The following BPIFB2 variants were observed in gnomAD, a reference collection of about 807,000 sequenced individuals.
The protein encoded by BPIFB2 is BPI fold containing family B member 2, also known as BPI fold-containing family B member 2.
In BPIFB2, 39 loss-of-function variants were observed where a neutral mutation model predicts 50.1. The ratio of observed to expected loss-of-function variants is 0.78; its 90% CI spans 0.60 to 1.02. BPIFB2 has a LOEUF of 1.02. BPIFB2 is among the 50% of genes least tolerant of loss of function. The probability of loss-of-function intolerance (pLI) is 0.00; values close to 1 mark genes in which losing one functional copy is unlikely to be tolerated. For missense variants in BPIFB2, 574 were observed against 585.8 expected (o/e 0.98, Z 0.21); for synonymous variants, 280 against 256.3 (o/e 1.09, Z -0.88).
At chr20:33,014,355 C>G (rs1031226594) in intron 5 of BPIFB2, among the ~76,000 whole-genome samples, 1 of 152,188 alleles carries the variant, frequency 6.6e-6, no homozygotes, top group Non-Finnish European at 1.5e-5. Context: ...CAGGCCAGGC[C>G]GCTCCCTTCT....
intron 6 of BPIFB2, among the ~76,000 whole-genome samples, chr20:33,016,728 A>C (rs1978443833): frequency 6.6e-6 from 1 of 152,230 alleles, no homozygotes; most frequent in South Asian, 2.1e-4. Context: ...GCCCCGTTGC[A>C]GCAGATTCCC....
At chr20:33,021,640 G>A (rs1446011692) in intron 14 of BPIFB2, 83 bp from the exon 15 acceptor site, 7 of 1,370,514 alleles carry the variant, frequency 5.1e-6, no homozygotes, top group Admixed American at 3.4e-5. Context: ...AGATGCCTGC[G>A]AGGACTCAGT....
At chr20:33,018,846 G>A (rs992490525) in intron 9 of BPIFB2, 24 bp downstream of exon 9, 2 of 1,597,982 alleles carry the variant, frequency 1.3e-6, no homozygotes, top group Non-Finnish European at 8.5e-7. Flanking sequence ...CTGCAGCCCA[G>A]GGCCTGTGGG....
At chr20:33,022,702 T>G (rs2146356801) in intron 15 of BPIFB2, among the ~76,000 whole-genome samples, 1 of 152,368 alleles carries the variant, frequency 6.6e-6, no homozygotes, top group Non-Finnish European at 1.5e-5. Flanking sequence ...ATGTGGCTAG[T>G]GCAACTGTGG....
In BPIFB2 at chr20:33,012,798, T is replaced by G; in HGVS notation, c.204-5T>G. ...CACTCTGTCACCTTGATTACTACCCTGCAGGATCCGGATTCTGAATGTCCA... is the reference window on the plus strand; with the variant it reads ...CACTCTGTCACCTTGATTACTACCCGGCAGGATCCGGATTCTGAATGTCCA... On this transcript the variant is annotated splice_region_variant and splice_polypyrimidine_tract_variant and intron_variant, in intron 3 of 15. Coordinates refer to ENST00000170150, the MANE Select transcript of BPIFB2 (RefSeq NM_025227.3). The G allele has an allele frequency of 6.2e-7, 1 of 1,610,676 alleles. No individual in the cohort carries two copies. The highest frequency in any genetic ancestry group is 1.3e-5 in the African/African-American group (1 of 74,960).
In BPIFB2 at chr20:33,018,981, G is replaced by A. The variant is rs115981583; in HGVS notation, c.856-81G>A. ...GGGTTAAACGGGGGCTATGGGGAGC[G>A]ATTGCTCAGGGGGAAAGTGGTGATC... On this transcript the variant is annotated intron_variant, in intron 9 of 15. Coordinates refer to ENST00000170150, the MANE Select transcript of BPIFB2 (RefSeq NM_025227.3). The A allele has an allele frequency of 9.1e-3, 14,459 of 1,593,760 alleles. 1,111 individuals are homozygous for A. In the African/African-American group the frequency reaches 0.17, roughly 18 times the overall value.
Position 33,020,314 on chromosome 20 carries a change from C to T in BPIFB2, c.1081-14C>T, listed in dbSNP as rs777026216. 6.8e-6 allele frequency: 11 copies of T among 1,613,590 alleles called. No individual in the cohort carries two copies. Among genetic ancestry groups the T allele is most frequent in the Non-Finnish European group, 8.5e-6 (10 of 1,179,630 alleles). On this transcript the variant is annotated splice_polypyrimidine_tract_variant and intron_variant, in intron 11 of 15. Coordinates refer to ENST00000170150, the MANE Select transcript of BPIFB2 (RefSeq NM_025227.3). ...GCTCTGTGCCCTCTGACCCTGCTCT[C>T]CCCATGTGCCCAGGTAGTGAACTTG...
At position 33,015,513 on chromosome 20, in the gene BPIFB2, T is replaced by G. The variant is rs776044981; in HGVS notation, c.516+17T>G. The G allele has an allele frequency of 4.4e-6, 7 of 1,598,168 alleles. No individual in the cohort carries two copies. The highest frequency in any genetic ancestry group is 3.4e-5 in the Admixed American group (2 of 59,328). ...AGTAACAAGGTAAAGGGCTTGCAGA[T>G]TTCTCAGAAAGGAGGGCATGGCTTC... On this transcript the variant is annotated intron_variant, in intron 6 of 15. Coordinates refer to ENST00000170150, the MANE Select transcript of BPIFB2 (RefSeq NM_025227.3).
In BPIFB2 at chr20:33,013,924, G is replaced by C; in HGVS notation, c.423G>C (p.Ser141=). 6.2e-7 allele frequency: 1 copy of C among 1,613,840 alleles called. No homozygotes were observed. Among genetic ancestry groups the C allele is most frequent in the East Asian group, 2.2e-5 (1 of 44,850 alleles). The part of the protein sequence containing the change: ...VVSISACSLF[S]GHANEFDGSN... ...GCATCTCTGCCTGCTCTTTATTCTC[G>C]GGCCACGCCAACGAGTTTGATGGCA... Residue 141 remains serine (S), a synonymous_variant, in exon 5 of 16, where the codon TCG becomes TCC. Coordinates refer to ENST00000170150, the MANE Select transcript of BPIFB2 (RefSeq NM_025227.3).
At chr20:33,019,263 C>G (rs6141865) in intron 10 of BPIFB2, 148 bp downstream of exon 10, 2 of 976,788 alleles carry the variant, frequency 2.0e-6, no homozygotes, top group East Asian at 2.6e-5. Context: ...TGGGGAGGCT[C>G]TAACTTCTGC....
intron 14 of BPIFB2, 122 bp downstream of exon 14, chr20:33,021,466 G>A: frequency 1.7e-6 from 2 of 1,161,170 alleles, no homozygotes; most frequent in Non-Finnish European, 2.5e-6. Flanking sequence ...GGGGGCCTCT[G>A]GAGTCTAGCA....
At chr20:33,017,168 C>A in intron 7 of BPIFB2, 66 bp downstream of exon 7, 1 of 1,472,684 alleles carries the variant, frequency 6.8e-7, no homozygotes, top group South Asian at 1.2e-5. Flanking sequence ...CTAGAACCCT[C>A]CAAAGGCTCC....
Position 33,012,749 on chromosome 20 carries a change from T to C in BPIFB2, c.204-54T>C, listed in dbSNP as rs1990304910. ...ATGGCTCAGAGCACCCACCCCAGAG[T>C]TGATCCCATGGTTTAATGGGGGCCA... On this transcript the variant is annotated intron_variant, in intron 3 of 15. Transcript: ENST00000170150. 7 of 1,431,640 alleles carry C rather than the reference T, an allele frequency of 4.9e-6. No homozygotes were observed. The Admixed American group carries it at 1.2e-4, about 24-fold the overall frequency. 88.7% of individuals were successfully genotyped at this position (1,431,640 alleles called of 1,614,324 possible).
At chr20:33,010,673 C>T (rs1419621848) in intron 2 of BPIFB2, among the ~76,000 whole-genome samples, 1 of 151,960 alleles carries the variant, frequency 6.6e-6, no homozygotes, top group Non-Finnish European at 1.5e-5. Context: ...GGGAGATGCC[C>T]CTTCTGCTTG....
chr20:33,021,210 T>A lies in BPIFB2; in HGVS notation c.1195-71T>A, dbSNP rs995104238. 13 of 1,498,006 alleles carry A rather than the reference T, an allele frequency of 8.7e-6. No individual in the cohort carries two copies. The South Asian group carries it at 1.4e-4, about 16-fold the overall frequency. 92.8% of individuals were successfully genotyped at this position (1,498,006 alleles called of 1,614,324 possible). ...GTCTGTCTCTGTGTATATTTATGTA[T>A]GTGCCTGACTGTCCATCTCTCCTGG... On this transcript the variant is annotated intron_variant, in intron 13 of 15. Transcript: ENST00000170150.
Position 33,018,780 on chromosome 20 carries a change from G to A in BPIFB2, c.813G>A (p.Leu271=). 1 of 1,613,924 alleles carries A rather than the reference G, an allele frequency of 6.2e-7. No individual in the cohort carries two copies. Among genetic ancestry groups the A allele is most frequent in the East Asian group, 2.2e-5 (1 of 44,882 alleles). ...QQLFDSALLL[L]QKAGALNLDI... ...TGTTTGACTCTGCGCTCCTGCTGCT[G>A]CAGAAGGCCGGTGCCCTCAACCTGG... is the stretch of plus-strand genomic sequence containing the variant. Residue 271 remains leucine, a synonymous_variant, in exon 9 of 16, where the codon CTG becomes CTA. Coordinates refer to ENST00000170150, the MANE Select transcript of BPIFB2 (RefSeq NM_025227.3).
chr20:33,017,770 G>A (rs557645382), intron 7 of BPIFB2, among the ~76,000 whole-genome samples: 4 of 152,368 alleles, frequency 2.6e-5, no homozygotes, highest in African/African-American at 7.2e-5. Context: ...CAGACTGCGT[G>A]TGCGTGTGTG....
rs189454117 is a variant in BPIFB2, at chr20:33,009,702, C to T, written c.109+1019C>T. Among the ~76,000 whole-genome samples, 1 of 152,348 alleles carries T rather than the reference C, an allele frequency of 6.6e-6. No individual in the cohort carries two copies. Among genetic ancestry groups the T allele is most frequent in the African/African-American group, 2.4e-5 (1 of 41,578 alleles). On this transcript the variant is annotated intron_variant, in intron 2 of 15. Coordinates refer to ENST00000170150, the MANE Select transcript of BPIFB2 (RefSeq NM_025227.3). This position sits in a 1 kb window ranked among gnomAD's most constrained non-coding sequence, Gnocchi z 4.2. ...GATGCCTGCAGGTAGGGCCATGAGG[C>T]CCGCGCCCTCCGCCGCCTTCCTGCC...
rs1306453138 is a variant in BPIFB2 at position 33,018,411 on chromosome 20, C to T, written c.669+61C>T. ...TGCTGCCTCTGGAGTCCTTGGTGTT[C>T]CAGAAGATTCCTAAAGGAGCGGGGG... On this transcript the variant is annotated intron_variant, in intron 8 of 15. Coordinates refer to ENST00000170150, the MANE Select transcript of BPIFB2 (RefSeq NM_025227.3). 6.8e-6 allele frequency: 10 copies of T among 1,468,664 alleles called. 1 individual carries two copies. The East Asian group carries it at 2.3e-4, about 33-fold the overall frequency. The allele number at this position is 1,468,664 out of a possible 1,614,324, so 91.0% of individuals were successfully genotyped here.
Sources: gnomAD v4.1 joint callset for allele counts (sites outside exome capture counted in the v4.1 genomes callset) on GRCh38, gnomAD v4.1.1 for gene constraint, Gnocchi (gnomAD v3.1) non-coding constraint, MANE v1.5 for transcripts, NCBI Gene and HGNC (gene_info 2026-07-23, HGNC 2026-07-21) for gene names.